The following ZNF710 variants were observed in gnomAD, a reference collection of about 807,000 sequenced individuals.
The protein encoded by ZNF710 is zinc finger protein 710.
ZNF710 carries 13 observed loss-of-function variants against 50.6 expected under a neutral mutation model. The observed-to-expected ratio is 0.26, with a 90% CI of 0.17 to 0.41. The LOEUF (loss-of-function observed/expected upper bound fraction) is 0.41, where lower values mean the gene tolerates loss of function less well. Among genes scored for constraint, ZNF710 ranks in the 10% least tolerant of loss-of-function variants. ZNF710 has a pLI of 1.00. For synonymous variants in ZNF710, 383 were observed against 397.0 expected (o/e 0.96, Z 0.42); for missense variants, 721 against 936.6 (o/e 0.77, Z 3.01).
chr15:90,043,405 G>A (rs1212055882), intron 1 of ZNF710, among the ~76,000 whole-genome samples: 1 of 152,226 alleles, frequency 6.6e-6, no homozygotes, highest in Non-Finnish European at 1.5e-5. Context: ...ACAGCCAGGC[G>A]GCCAGGGCAG....
intron 1 of ZNF710, among the ~76,000 whole-genome samples, chr15:90,064,547 G>A (rs1900109225): frequency 6.6e-6 from 1 of 152,150 alleles, no homozygotes; most frequent in Non-Finnish European, 1.5e-5. Flanking sequence ...GAATGCAATG[G>A]TGCGATCTCT....
chr15:90,026,354 A>G (rs1261476513), intron 1 of ZNF710, among the ~76,000 whole-genome samples: 2 of 152,188 alleles, frequency 1.3e-5, no homozygotes, highest in East Asian at 3.9e-4. Context: ...GCACAATCAT[A>G]GGCATAATTT....
chr15:90,012,063 AGT>A (rs1226309213), intron 1 of ZNF710, among the ~76,000 whole-genome samples: 6 of 151,896 alleles, frequency 4.0e-5, no homozygotes, highest in Non-Finnish European at 8.8e-5. Flanking sequence ...AAATGAGCTA[AGT>A]GTGGTGGCGT....
At chr15:90,008,431 T>TATAC (rs1412402886) in intron 1 of ZNF710, among the ~76,000 whole-genome samples, 54 of 142,556 alleles carry the variant, frequency 3.8e-4, no homozygotes, top group African/African-American at 1.4e-3. Flanking sequence ...TGTGTGTATA[T>TATAC]ATATATATAC....
rs1191804607 is a variant in ZNF710 at position 90,040,878 on chromosome 15, C to G, written c.-28-26232C>G. ...TATTGTTGCAAGTGAGGACTTATCT[C>G]TCCACCACCCTATCATTCCTCCTCC... On this transcript the variant is annotated intron_variant, in intron 1 of 4. Coordinates refer to ENST00000268154, the MANE Select transcript of ZNF710 (RefSeq NM_198526.4). This position sits in a 1 kb window ranked among gnomAD's most constrained non-coding sequence, Gnocchi z 4.6. Among the ~76,000 whole-genome samples, 1 of 152,206 alleles carries G rather than the reference C, an allele frequency of 6.6e-6. No individual in the cohort carries two copies. The highest frequency in any genetic ancestry group is 6.5e-5 in the Admixed American group (1 of 15,280).
intron 1 of ZNF710, among the ~76,000 whole-genome samples, chr15:90,033,720 A>T (rs569057147): frequency 1.1e-4 from 17 of 152,298 alleles, no homozygotes; most frequent in South Asian, 4.1e-4. Context: ...TACCATGCCC[A>T]GCTTGTCCCA....
rs117565273 is a variant in ZNF710, at chr15:90,066,170, G to T, written c.-28-940G>T. Among the ~76,000 whole-genome samples the T allele has an allele frequency of 1.5e-3, 227 of 152,232 alleles. 1 individual carries two copies. Among genetic ancestry groups the T allele is most frequent in the African/African-American group, 4.9e-3 (203 of 41,542 alleles). On this transcript the variant is annotated intron_variant, in intron 1 of 4. Transcript: ENST00000268154. ...GTGATAGATGCAGATGTTTATCGTCGGGGCTGACAAGTGACAGCCAGTGTT... is the reference window on the plus strand; with the variant it reads ...GTGATAGATGCAGATGTTTATCGTCTGGGCTGACAAGTGACAGCCAGTGTT...
At chr15:90,010,090 G>A (rs1226919394) in intron 1 of ZNF710, among the ~76,000 whole-genome samples, 1 of 151,974 alleles carries the variant, frequency 6.6e-6, no homozygotes, top group Non-Finnish European at 1.5e-5. Flanking sequence ...TTGGTGCCTT[G>A]GCCACAGTTC....
chr15:90,032,560 T>C (rs947584057), intron 1 of ZNF710, among the ~76,000 whole-genome samples: 1 of 151,774 alleles, frequency 6.6e-6, no homozygotes, highest in Non-Finnish European at 1.5e-5. Flanking sequence ...GGAGGATCAC[T>C]TGAGGTCAGG....
chr15:90,079,951 C>A lies in ZNF710; in HGVS notation c.*122C>A. The A allele has an allele frequency of 1.0e-6, 1 of 955,568 alleles. No individual in the cohort carries two copies. The highest frequency in any genetic ancestry group is 1.5e-6 in the Non-Finnish European group (1 of 679,206). 59.2% of individuals were successfully genotyped at this position (955,568 alleles called of 1,614,324 possible). ...TACTGCCCCACTGTTCTGAGCCCTCCCTCCCCGAGTCATTTGCACCACTAG... is the reference window on the plus strand; with the variant it reads ...TACTGCCCCACTGTTCTGAGCCCTCACTCCCCGAGTCATTTGCACCACTAG... On this transcript the variant is annotated 3_prime_UTR_variant, in exon 5 of 5. Coordinates refer to ENST00000268154, the MANE Select transcript of ZNF710 (RefSeq NM_198526.4).
chr15:90,065,924 C>T (rs902601891), intron 1 of ZNF710, among the ~76,000 whole-genome samples: 2 of 152,046 alleles, frequency 1.3e-5, no homozygotes, highest in Non-Finnish European at 2.9e-5. Flanking sequence ...AAGAAAAAAA[C>T]GTTAGTTGAG....
chr15:90,065,445 T>G (rs1324925558), intron 1 of ZNF710, among the ~76,000 whole-genome samples: 1 of 152,214 alleles, frequency 6.6e-6, no homozygotes, highest in African/African-American at 2.4e-5. Flanking sequence ...AGGTCGCCAC[T>G]GCCTGGCGTG....
In ZNF710 at chr15:90,047,798, G is replaced by C. The variant is rs542951750; in HGVS notation, c.-28-19312G>C. 2.6e-5 allele frequency among the ~76,000 whole-genome samples: 4 copies of C among 152,132 alleles called. 1 individual carries two copies. The South Asian group carries it at 8.3e-4, about 32-fold the overall frequency. On this transcript the variant is annotated intron_variant, in intron 1 of 4. Transcript: ENST00000268154. ...GGCGGCATTTCACCATGTTGGCCAG[G>C]CTGGTCTTGAACTCCTGACCTCAAA...
At chr15:90,060,287 T>A (rs1899967194) in intron 1 of ZNF710, among the ~76,000 whole-genome samples, 1 of 152,238 alleles carries the variant, frequency 6.6e-6, no homozygotes, top group African/African-American at 2.4e-5. Flanking sequence ...GCACAGTGGC[T>A]TAGGCCTGTC....
chr15:90,021,408 C>G (rs918243949), intron 1 of ZNF710, among the ~76,000 whole-genome samples: 2 of 152,196 alleles, frequency 1.3e-5, no homozygotes, highest in Admixed American at 1.3e-4. Flanking sequence ...GGTTCATGAG[C>G]CTACTTTTCA....
chr15:90,074,771 G>A (rs933519500), intron 4 of ZNF710: 43 of 335,916 alleles, frequency 1.3e-4, no homozygotes, highest in Middle Eastern at 1.1e-3. Flanking sequence ...AATGGCAGCC[G>A]GAAAGATAAG....
chr15:90,005,788 A>G (rs1898126338), intron 1 of ZNF710, among the ~76,000 whole-genome samples: 1 of 152,158 alleles, frequency 6.6e-6, no homozygotes, highest in Non-Finnish European at 1.5e-5. Context: ...ATATAGGGAG[A>G]ATAATAATAA....
chr15:89,998,870 C>A (rs1244497660), upstream of ZNF710, among the ~76,000 whole-genome samples: 2 of 152,138 alleles, frequency 1.3e-5, no homozygotes, highest in Non-Finnish European at 2.9e-5. Flanking sequence ...TTTTATATGT[C>A]CCGAAATTAA....
rs533447037 is a variant in ZNF710, at chr15:90,059,328, C to G, written c.-28-7782C>G. ...GCAAATGAAGGCATGGGCAGTGCAT[C>G]CCGCCTACCAAAAGGCTGTGGGGGC... is the stretch of plus-strand genomic sequence containing the variant. On this transcript the variant is annotated intron_variant, in intron 1 of 4. Transcript: ENST00000268154. This position sits in a 1 kb window ranked among gnomAD's most constrained non-coding sequence, Gnocchi z 4.1. 6.6e-6 allele frequency among the ~76,000 whole-genome samples: 1 copy of G among 152,188 alleles called. No individual in the cohort carries two copies. Among genetic ancestry groups the G allele is most frequent in the Non-Finnish European group, 1.5e-5 (1 of 68,038 alleles).
Sources: gnomAD v4.1 joint callset for allele counts (sites outside exome capture counted in the v4.1 genomes callset) on GRCh38, gnomAD v4.1.1 for gene constraint, Gnocchi (gnomAD v3.1) non-coding constraint, MANE v1.5 for transcripts, NCBI Gene and HGNC (gene_info 2026-07-23, HGNC 2026-07-21) for gene names.